INSC: variants seen among roughly 807,000 people sequenced by gnomAD.
INSC encodes the protein protein inscuteable homolog.
A neutral mutation model predicts 58.6 loss-of-function variants in INSC; 67 were observed. That is an observed-to-expected ratio of 1.14 (90% CI 0.94 to 1.40). The LOEUF (loss-of-function observed/expected upper bound fraction) is 1.40, where lower values mean the gene tolerates loss of function less well. INSC is among the 40% of genes most tolerant of loss of function. The probability of loss-of-function intolerance (pLI) is 0.00; values close to 1 mark genes in which losing one functional copy is unlikely to be tolerated. For synonymous variants in INSC, 262 were observed against 276.1 expected (o/e 0.95, Z 0.51); for missense variants, 714 against 692.0 (o/e 1.03, Z -0.36).
intron 1 of INSC, among the ~76,000 whole-genome samples, chr11:15,118,559 A>G (rs1847791897): frequency 6.6e-6 from 1 of 152,208 alleles, no homozygotes; most frequent in African/African-American, 2.4e-5. Flanking sequence ...TTTGATCACA[A>G]GGTAGGAAAG....
At chr11:15,250,489 G>A (rs1465013123), downstream of INSC, among the ~76,000 whole-genome samples, 1 of 152,120 alleles carries the variant, frequency 6.6e-6, no homozygotes, top group Non-Finnish European at 1.5e-5. Flanking sequence ...TCCTTATGCT[G>A]GGCCCCCTTG....
downstream of INSC, among the ~76,000 whole-genome samples, chr11:15,249,797 C>T (rs1852631347): frequency 1.3e-5 from 2 of 152,190 alleles, no homozygotes; most frequent in African/African-American, 4.8e-5. Context: ...CCTGCTGACT[C>T]TCTACCTACA....
At chr11:15,142,795 C>CT (rs1336767275) in intron 1 of INSC, among the ~76,000 whole-genome samples, 208 of 143,056 alleles carry the variant, frequency 1.5e-3, no homozygotes, top group Non-Finnish European at 2.2e-3. Context: ...AGAGCACTTT[C>CT]TTTTTTTTTT....
chr11:15,176,817 A>T (rs1215066322), intron 3 of INSC, among the ~76,000 whole-genome samples: 2 of 152,170 alleles, frequency 1.3e-5, no homozygotes, highest in Non-Finnish European at 2.9e-5. Context: ...TTAGCTTTGC[A>T]GACATTAAAA....
rs1175770107 is a variant in INSC at position 15,246,423 on chromosome 11, T to C, written c.*383T>C. The C allele has an allele frequency of 1.3e-5, 2 of 154,534 alleles. No individual in the cohort carries two copies. The highest frequency in any genetic ancestry group is 6.5e-5 in the Admixed American group (1 of 15,450). The allele number at this position is 154,534 out of a possible 1,614,324, so 9.6% of individuals were successfully genotyped here. On this transcript the variant is annotated 3_prime_UTR_variant, in exon 13 of 13. Coordinates refer to ENST00000379556, the MANE Select transcript of INSC (RefSeq NM_001042536.3). ...CTGCCTAGCAAGTTTTTTTTTTAAG[T>C]TGGATTTGCTCTTCCCAAAAATCTA...
chr11:15,125,803 A>G (rs10766211), intron 1 of INSC, among the ~76,000 whole-genome samples: 73,958 of 152,012 alleles, frequency 0.49, 18,954 homozygotes, highest in Non-Finnish European at 0.58. Flanking sequence ...CCAGTCAGCT[A>G]CAAAACGAAG....
intron 2 of INSC, among the ~76,000 whole-genome samples, chr11:15,172,714 G>A (rs891937364): frequency 2.0e-5 from 3 of 152,244 alleles, no homozygotes; most frequent in Non-Finnish European, 4.4e-5. Flanking sequence ...GCAGAGGATT[G>A]TGAAAGAGAG....
Position 15,233,782 on chromosome 11 carries a change from T to C in INSC, c.1171-1820T>C, listed in dbSNP as rs1852017342. ...AATCTGCATGTCAAGTAAGTGTTTT[T>C]ATTCAGAAAGGCCAGCCTGGTGATG... is the stretch of plus-strand genomic sequence containing the variant. On this transcript the variant is annotated intron_variant, in intron 9 of 12. Transcript: ENST00000379556. Among the ~76,000 whole-genome samples, 3 of 152,242 alleles carry C rather than the reference T, an allele frequency of 2.0e-5. No individual in the cohort carries two copies. In the South Asian group the frequency reaches 6.2e-4, roughly 32 times the overall value.
chr11:15,180,092 T>C (rs751406568), intron 5 of INSC, among the ~76,000 whole-genome samples: 2 of 151,922 alleles, frequency 1.3e-5, no homozygotes, highest in Non-Finnish European at 2.9e-5. Context: ...CCATCTGTAC[T>C]GAAAATGCAA....
At chr11:15,223,993 C>A (rs977031273) in intron 8 of INSC, among the ~76,000 whole-genome samples, 15 of 152,204 alleles carry the variant, frequency 9.9e-5, no homozygotes, top group Admixed American at 9.8e-4. Context: ...CCAGAAGCAA[C>A]TTGTAATGTA....
intron 7 of INSC, among the ~76,000 whole-genome samples, chr11:15,210,843 G>A (rs1314016460): frequency 6.6e-6 from 1 of 151,978 alleles, no homozygotes; most frequent in East Asian, 1.9e-4. Context: ...AGGGAGGATT[G>A]AAAGGATGAT....
chr11:15,246,145 T>C lies in INSC; in HGVS notation c.*105T>C, dbSNP rs1397239449. The C allele has an allele frequency of 1.6e-6, 2 of 1,215,174 alleles. No individual in the cohort carries two copies. The highest frequency in any genetic ancestry group is 2.3e-6 in the Non-Finnish European group (2 of 881,230). 75.3% of individuals were successfully genotyped at this position (1,215,174 alleles called of 1,614,324 possible). On this transcript the variant is annotated 3_prime_UTR_variant, in exon 13 of 13. Coordinates refer to ENST00000379556, the MANE Select transcript of INSC (RefSeq NM_001042536.3). ...CCAGCTCTCCTCATCTTCTTATTTATACTTAACTTATTTTTGTGTGAAATA... is the reference window on the plus strand; with the variant it reads ...CCAGCTCTCCTCATCTTCTTATTTACACTTAACTTATTTTTGTGTGAAATA...
chr11:15,122,523 T>C (rs1847897949), intron 1 of INSC, among the ~76,000 whole-genome samples: 2 of 152,196 alleles, frequency 1.3e-5, no homozygotes, highest in Admixed American at 1.3e-4. Flanking sequence ...CTGTAGTTCT[T>C]CATCCTACTG....
Position 15,235,688 on chromosome 11 carries a change from T to C in INSC, c.1237+20T>C. On this transcript the variant is annotated intron_variant, in intron 10 of 12. Coordinates refer to ENST00000379556, the MANE Select transcript of INSC (RefSeq NM_001042536.3). ...AAAATGGTATGTCTTTGCAGCATTG[T>C]ACATGTTATGTGGATTATCTGGATG... 2 of 1,595,182 alleles carry C rather than the reference T, an allele frequency of 1.3e-6. No homozygotes were observed. Among genetic ancestry groups the C allele is most frequent in the Non-Finnish European group, 1.7e-6 (2 of 1,162,890 alleles).
chr11:15,147,260 CA>C (rs1317449156), intron 1 of INSC, among the ~76,000 whole-genome samples: 3 of 152,036 alleles, frequency 2.0e-5, no homozygotes, highest in African/African-American at 7.2e-5. Flanking sequence ...CACCAGATTC[CA>C]AAAATATACC....
At chr11:15,149,614 C>G (rs533720538) in intron 2 of INSC, among the ~76,000 whole-genome samples, 16 of 152,234 alleles carry the variant, frequency 1.1e-4, no homozygotes, top group Admixed American at 2.6e-4. Context: ...GAGCATAGAG[C>G]TGATCCTTGG....
At chr11:15,129,066 T>C (rs1848065374) in intron 1 of INSC, among the ~76,000 whole-genome samples, 1 of 152,098 alleles carries the variant, frequency 6.6e-6, no homozygotes, top group Admixed American at 6.6e-5. Context: ...ACCTCAAGGG[T>C]AGAAGTATGT....
At position 15,178,373 on chromosome 11, in the gene INSC, G is replaced by C; in HGVS notation, c.505G>C (p.Val169Leu). The C allele has an allele frequency of 6.2e-7, 1 of 1,613,872 alleles. No individual in the cohort carries two copies. Among genetic ancestry groups the C allele is most frequent in the Non-Finnish European group, 8.5e-7 (1 of 1,180,038 alleles). ...TGTCCTGAAGTCAATGAAGGCCTGC[G>C]TGAGTGAGACCCTGAGCATGCTGGG... ...EHVLKSMKAC[V>L]SETLSMLGQH... The change falls in exon 5 of 13, where the codon GTG becomes CTG. Residue 169 changes from valine (V) to leucine (L), a missense_variant. Physicochemically the swap from Val to Leu is conservative, Grantham distance 32 (BLOSUM62 1). Transcript: ENST00000379556.
chr11:15,168,934 G>T (rs921528579), intron 2 of INSC, among the ~76,000 whole-genome samples: 1 of 152,036 alleles, frequency 6.6e-6, no homozygotes, highest in African/African-American at 2.4e-5. Flanking sequence ...GTTATATTTC[G>T]ATAAAAATTT....
Sources: allele counts gnomAD v4.1 joint callset (sites outside exome capture counted in the v4.1 genomes callset), GRCh38; gene constraint gnomAD v4.1.1; transcripts MANE v1.5; gene names NCBI Gene and HGNC (gene_info 2026-07-23, HGNC 2026-07-21).